The following PLCXD3 variants were observed in gnomAD, a reference collection of about 807,000 sequenced individuals.
PLCXD3 encodes the protein phosphatidylinositol specific phospholipase C X domain containing 3.
PLCXD3 carries 19 observed loss-of-function variants against 25.5 expected under a neutral mutation model. That is an observed-to-expected ratio of 0.75 (90% confidence interval 0.52 to 1.09). The LOEUF is 1.09. Ranked by LOEUF, PLCXD3 falls within the 50% of genes least tolerant of loss-of-function variation. The probability of loss-of-function intolerance (pLI) is 0.00; values close to 1 mark genes in which losing one functional copy is unlikely to be tolerated. For synonymous variants in PLCXD3, 174 were observed against 137.6 expected (o/e 1.26, Z -1.85); for missense variants, 411 against 388.1 (o/e 1.06, Z -0.50).
intron 2 of PLCXD3, among the ~76,000 whole-genome samples, chr5:41,377,557 T>G (rs938105842): frequency 9.2e-5 from 14 of 151,824 alleles, no homozygotes; most frequent in Admixed American, 8.6e-4. Flanking sequence ...TGCATGGGGG[T>G]GAGGTGCAAA....
chr5:41,332,155 C>T (rs1451672243), intron 2 of PLCXD3, among the ~76,000 whole-genome samples: 3 of 151,932 alleles, frequency 2.0e-5, no homozygotes, highest in South Asian at 2.1e-4. Flanking sequence ...AGTGAACAGG[C>T]AACCTACAAA....
chr5:41,327,625 A>G (rs1743671629), intron 2 of PLCXD3, among the ~76,000 whole-genome samples: 1 of 152,200 alleles, frequency 6.6e-6, no homozygotes. Flanking sequence ...ATGAAGGAAA[A>G]TATTTCTAAG....
intron 1 of PLCXD3, among the ~76,000 whole-genome samples, chr5:41,427,806 C>T (rs912118285): frequency 3.3e-5 from 5 of 152,134 alleles, no homozygotes; most frequent in Admixed American, 6.5e-5. Context: ...GGGAACAACT[C>T]TTATGGTGAT....
In PLCXD3 at chr5:41,351,456, C is replaced by T. The variant is rs141915567; in HGVS notation, c.812+30370G>A. On this transcript the variant is annotated intron_variant, in intron 2 of 2. Coordinates refer to ENST00000377801, the MANE Select transcript of PLCXD3 (RefSeq NM_001005473.3). Reference sequence around the variant, plus strand: ...AGGCCTGTAAGGGATATGAGGCTCTCACCTCACTCCCTACTGTGGGCTTGT... The same window carrying T: ...AGGCCTGTAAGGGATATGAGGCTCTTACCTCACTCCCTACTGTGGGCTTGT... Among the ~76,000 whole-genome samples the T allele has an allele frequency of 1.5e-4, 23 of 152,284 alleles. 2 individuals are homozygous for T. Among genetic ancestry groups the T allele is most frequent in the Middle Eastern group, 3.4e-3 (1 of 294 alleles).
chr5:41,349,930 T>G (rs1352656842), intron 2 of PLCXD3, among the ~76,000 whole-genome samples: 1 of 152,170 alleles, frequency 6.6e-6, no homozygotes, highest in Admixed American at 6.5e-5. Flanking sequence ...ATTGGATTTT[T>G]TTTTTTTTTG....
intron 2 of PLCXD3, among the ~76,000 whole-genome samples, chr5:41,358,985 T>C (rs1227290941): frequency 1.3e-5 from 2 of 152,216 alleles, no homozygotes; most frequent in Admixed American, 1.3e-4. Context: ...ATGTGATTTT[T>C]TTCTTTTTAA....
At chr5:41,438,061 C>T (rs1020345321) in intron 1 of PLCXD3, among the ~76,000 whole-genome samples, 13 of 152,102 alleles carry the variant, frequency 8.5e-5, no homozygotes, top group African/African-American at 3.1e-4. Context: ...AATTCCTATC[C>T]CTGGGCTTTG....
rs189849540 is a variant in PLCXD3, at chr5:41,420,804, C to T, written c.104-38270G>A. ...GTCTTTCCTCCAACCCTAACTTTGT[C>T]ACATCACCTTTGCATTGTCTGCAAG... On this transcript the variant is annotated intron_variant, in intron 1 of 2. Coordinates refer to ENST00000377801, the MANE Select transcript of PLCXD3 (RefSeq NM_001005473.3). 2.1e-3 allele frequency among the ~76,000 whole-genome samples: 318 copies of T among 152,340 alleles called. 3 individuals carry two copies. The highest frequency in any genetic ancestry group is 4.0e-3 in the Non-Finnish European group (269 of 68,026).
At chr5:41,340,303 C>T (rs540006674) in intron 2 of PLCXD3, among the ~76,000 whole-genome samples, 1 of 152,190 alleles carries the variant, frequency 6.6e-6, no homozygotes, top group South Asian at 2.1e-4. Flanking sequence ...TGTGAAATGA[C>T]TAATTAAATA....
intron 1 of PLCXD3, among the ~76,000 whole-genome samples, chr5:41,422,919 A>T (rs569860318): frequency 6.6e-6 from 1 of 152,264 alleles, no homozygotes; most frequent in African/African-American, 2.4e-5. Flanking sequence ...ATTGTGAAAT[A>T]GAATACTAGG....
chr5:41,338,439 T>C (rs1222866283), intron 2 of PLCXD3, among the ~76,000 whole-genome samples: 2 of 152,112 alleles, frequency 1.3e-5, no homozygotes. Context: ...CCGCCCCTAC[T>C]AACATGCGTG....
chr5:41,443,886 C>T (rs1747440135), intron 1 of PLCXD3, among the ~76,000 whole-genome samples: 2 of 152,072 alleles, frequency 1.3e-5, no homozygotes, highest in Admixed American at 6.6e-5. Flanking sequence ...TGTTTTGTAC[C>T]TTTTAGTTTT....
intron 1 of PLCXD3, among the ~76,000 whole-genome samples, chr5:41,489,890 T>C (rs966515556): frequency 4.0e-5 from 6 of 151,768 alleles, no homozygotes; most frequent in Non-Finnish European, 5.9e-5. Flanking sequence ...ACAGGGACAA[T>C]TTGACTTCCT....
chr5:41,376,864 T>G (rs1465792543), intron 2 of PLCXD3, among the ~76,000 whole-genome samples: 1 of 152,140 alleles, frequency 6.6e-6, no homozygotes, highest in Non-Finnish European at 1.5e-5. Flanking sequence ...ATAGGAGCTG[T>G]TTAACAGATA....
At chr5:41,454,797 C>A (rs1747715981) in intron 1 of PLCXD3, among the ~76,000 whole-genome samples, 1 of 151,796 alleles carries the variant, frequency 6.6e-6, no homozygotes, top group African/African-American at 2.4e-5. Context: ...CAAAAGAAAC[C>A]AATTGTATTA....
intron 1 of PLCXD3, among the ~76,000 whole-genome samples, chr5:41,437,056 T>G (rs1358822541): frequency 6.6e-6 from 1 of 152,246 alleles, no homozygotes. Context: ...GATTGAAATG[T>G]TAGCTCCCAT....
intron 2 of PLCXD3, among the ~76,000 whole-genome samples, chr5:41,324,784 T>C (rs549959730): frequency 4.8e-4 from 73 of 152,294 alleles, no homozygotes; most frequent in Admixed American, 9.2e-4. Context: ...TCTTTGGAAA[T>C]AGTATCACAA....
chr5:41,506,006 G>GA, intron 1 of PLCXD3, among the ~76,000 whole-genome samples: 1 of 152,348 alleles, frequency 6.6e-6, no homozygotes, highest in South Asian at 2.1e-4. Context: ...CACTAAAGCA[G>GA]TTTTCTCAAA....
intron 1 of PLCXD3, among the ~76,000 whole-genome samples, chr5:41,425,207 G>A (rs1370055308): frequency 6.6e-6 from 1 of 151,868 alleles, no homozygotes; most frequent in Non-Finnish European, 1.5e-5. Context: ...TATTTACTTA[G>A]TATATCTTTC....
Sources: allele counts gnomAD v4.1 joint callset (sites outside exome capture counted in the v4.1 genomes callset), GRCh38; gene constraint gnomAD v4.1.1; transcripts MANE v1.5; gene names NCBI Gene and HGNC (gene_info 2026-07-23, HGNC 2026-07-21).